The following CRISP3 variants were observed in gnomAD, a reference collection of about 807,000 sequenced individuals.
CRISP3 encodes cysteine rich secretory protein 3.
Under a neutral mutation model 36.1 loss-of-function variants are expected in CRISP3, and 33 were observed. The ratio of observed to expected loss-of-function variants is 0.91; its 90% confidence interval spans 0.69 to 1.22. The LOEUF is 1.22. Among genes scored for constraint, CRISP3 ranks in the 50% most tolerant of loss-of-function variants. CRISP3 has a pLI of 0.00. For synonymous variants in CRISP3, 117 were observed against 104.6 expected (o/e 1.12, Z -0.72); for missense variants, 330 against 301.2 (o/e 1.10, Z -0.71).
At chr6:49,742,463 C>G (rs1407565414) in intron 1 of CRISP3, among the ~76,000 whole-genome samples, 1 of 151,722 alleles carries the variant, frequency 6.6e-6, no homozygotes, top group Non-Finnish European at 1.5e-5. Context: ...GAAACCTCGT[C>G]TCTACTAAAA....
chr6:49,735,169 A>G (rs979671611), intron 4 of CRISP3, among the ~76,000 whole-genome samples: 5 of 152,184 alleles, frequency 3.3e-5, no homozygotes, highest in African/African-American at 9.6e-5. Flanking sequence ...CAAATTTCCT[A>G]TATATGACAT....
At chr6:49,742,002 A>G (rs1769218268) in intron 1 of CRISP3, among the ~76,000 whole-genome samples, 1 of 151,186 alleles carries the variant, frequency 6.6e-6, no homozygotes, top group South Asian at 2.1e-4. Context: ...CACCAAAATT[A>G]ACAATTTTGC....
intron 6 of CRISP3, 110 bp downstream of exon 6, chr6:49,733,085 T>C: frequency 1.7e-6 from 1 of 581,296 alleles, no homozygotes; most frequent in Admixed American, 3.4e-5. Context: ...AAAACATTTC[T>C]AAAGATTAAT....
chr6:49,738,203 A>G (rs1769109005), intron 1 of CRISP3, among the ~76,000 whole-genome samples: 1 of 152,228 alleles, frequency 6.6e-6, no homozygotes, highest in Non-Finnish European at 1.5e-5. Context: ...TTAGAATTCT[A>G]CTGAAATTAT....
chr6:49,737,516 T>C (rs1364004005), intron 1 of CRISP3, 118 bp from the exon 2 acceptor site: 5 of 1,046,966 alleles, frequency 4.8e-6, no homozygotes, highest in African/African-American at 4.7e-5. Context: ...TCATTATTAA[T>C]GTAACAGGAG....
intron 1 of CRISP3, among the ~76,000 whole-genome samples, chr6:49,739,618 A>G (rs551191169): frequency 6.6e-6 from 1 of 152,318 alleles, no homozygotes; most frequent in East Asian, 1.9e-4. Flanking sequence ...TTTAAGACCA[A>G]TAATGGTGAC....
intron 1 of CRISP3, among the ~76,000 whole-genome samples, chr6:49,741,926 C>T (rs1254717764): frequency 2.0e-5 from 3 of 147,254 alleles, no homozygotes; most frequent in East Asian, 2.0e-4. Context: ...ATATTTGTAA[C>T]TTTTGTAAGA....
At chr6:49,735,652 CT>C in intron 3 of CRISP3, 61 bp from the exon 4 acceptor site, 1 of 1,294,888 alleles carries the variant, frequency 7.7e-7, no homozygotes. Context: ...GGAGCATAAG[CT>C]TTATAATCAG....
chr6:49,736,296 G>A (rs1214640929), intron 3 of CRISP3, 95 bp downstream of exon 3: 6 of 790,528 alleles, frequency 7.6e-6, no homozygotes, highest in Non-Finnish European at 1.3e-5. Flanking sequence ...AGAGAACTTT[G>A]TAAACTTCAA....
chr6:49,737,144 G>A (rs978533900), intron 2 of CRISP3, among the ~76,000 whole-genome samples, 181 bp downstream of exon 2: 1 of 151,830 alleles, frequency 6.6e-6, no homozygotes, highest in South Asian at 2.1e-4. Flanking sequence ...ATGTGGCTAG[G>A]GGCTACCATA....
chr6:49,732,931 C>A (rs550395976), intron 6 of CRISP3, among the ~76,000 whole-genome samples: 1 of 152,040 alleles, frequency 6.6e-6, no homozygotes, highest in Non-Finnish European at 1.5e-5. Flanking sequence ...TATGAAGTAA[C>A]CGTGAGCATA....
intron 1 of CRISP3, among the ~76,000 whole-genome samples, chr6:49,741,128 AAAAACAAAC>A (rs1769189522): frequency 9.7e-6 from 1 of 103,480 alleles, no homozygotes. Flanking sequence ...AACAAACAAA[AAAAACAAAC>A]AAAAAAAAAC....
rs1268049374 is a variant in CRISP3 at position 49,744,347 on chromosome 6, A to G, written c.21T>C (p.Pro7=). Residue 7 remains proline (P), a synonymous_variant, in exon 1 of 8, where the codon CCT becomes CCC. Coordinates refer to ENST00000263045, the MANE Select transcript of CRISP3 (RefSeq NM_006061.4). The stretch of plus-strand genomic sequence containing the variant: ...ATCACTTACCAGTGGTTTCCAGAGC[A>G]GGATGAAGTATTTGTTTCATCTATT... MKQILH[P]ALETTAMTLF... 1 of 1,533,182 alleles carries G rather than the reference A, an allele frequency of 6.5e-7. No homozygotes were observed. Among genetic ancestry groups the G allele is most frequent in the Non-Finnish European group, 8.7e-7 (1 of 1,145,030 alleles). The allele number at this position is 1,533,182 out of a possible 1,614,324, so 95.0% of individuals were successfully genotyped here.
chr6:49,744,253 A>G, intron 1 of CRISP3, 78 bp downstream of exon 1: 1 of 1,051,874 alleles, frequency 9.5e-7, no homozygotes, highest in Non-Finnish European at 1.4e-6. Context: ...ATATCACTTT[A>G]TCATTGATAA....
rs747152915 is a variant in CRISP3 at position 49,736,430 on chromosome 6, C to CCT, written c.187_188dup (p.Arg64GlyfsTer12). 6.2e-7 allele frequency: 1 copy of CCT among 1,613,694 alleles called. No individual in the cohort carries two copies. The highest frequency in any genetic ancestry group is 1.3e-5 in the African/African-American group (1 of 75,002). On this transcript the variant is annotated frameshift_variant, in exon 3 of 8. Transcript: ENST00000263045. LOFTEE classifies it high-confidence loss of function. ...TTCTGGCAGGGGGAGATACTGCTCT[C>CCT]CTCAGTTCATTGTGCTTATTCACAA...
chr6:49,744,025 T>C (rs669500), intron 1 of CRISP3, among the ~76,000 whole-genome samples: 53,172 of 151,878 alleles, frequency 0.35, 9,835 homozygotes, highest in African/African-American at 0.44. Flanking sequence ...ATAGTTCTAG[T>C]ACAATTGTTT....
At chr6:49,731,081 TG>T in intron 7 of CRISP3, 81 bp downstream of exon 7, 2 of 999,218 alleles carry the variant, frequency 2.0e-6, no homozygotes, top group Admixed American at 2.3e-5. Context: ...TTGCTTAAGT[TG>T]GTTGTCTTCA....
At chr6:49,728,975 T>G in intron 7 of CRISP3, 118 bp from the exon 8 acceptor site, 1 of 913,332 alleles carries the variant, frequency 1.1e-6, no homozygotes, top group Non-Finnish European at 1.6e-6. Context: ...GTTGAGATTA[T>G]TACACTAAGA....
chr6:49,737,005 G>T (rs574563369), intron 2 of CRISP3, among the ~76,000 whole-genome samples: 2 of 152,148 alleles, frequency 1.3e-5, no homozygotes, highest in East Asian at 3.9e-4. Context: ...TCTAGTAAAA[G>T]AGTTTTATGT....
Sources: gnomAD v4.1 joint callset for allele counts (sites outside exome capture counted in the v4.1 genomes callset) on GRCh38, gnomAD v4.1.1 for gene constraint, MANE v1.5 for transcripts, NCBI Gene and HGNC (gene_info 2026-07-23, HGNC 2026-07-21) for gene names.